Variants in ARHGAP24 observed in about 807,000 individuals in gnomAD.
ARHGAP24 encodes rho GTPase-activating protein 24.
Under a neutral mutation model 76.4 loss-of-function variants are expected in ARHGAP24, and 50 were observed. The observed-to-expected ratio is 0.65, with a 90% CI of 0.52 to 0.83. The LOEUF (loss-of-function observed/expected upper bound fraction) is 0.83. ARHGAP24 is among the 40% of genes least tolerant of loss of function. ARHGAP24 has a pLI of 0.00. For synonymous variants in ARHGAP24, 345 were observed against 323.3 expected, an observed-to-expected ratio of 1.07 and a Z score of -0.72; for missense variants, 930 against 914.2, an observed-to-expected ratio of 1.02 and a Z score of -0.22.
chr4:85,493,571 C>T (rs1392127937), intron 1 of ARHGAP24, among the ~76,000 whole-genome samples: 1 of 152,054 alleles, frequency 6.6e-6, no homozygotes, highest in Non-Finnish European at 1.5e-5. Context: ...CCATTGGAAG[C>T]CCTTTAAGTT....
intron 2 of ARHGAP24, among the ~76,000 whole-genome samples, chr4:85,683,117 T>TGGGGGGGGGGGGGGGGGGGGGGG (rs201448168): frequency 7.0e-5 from 4 of 56,932 alleles, no homozygotes; most frequent in Non-Finnish European, 1.1e-4. Context: ...TGTGGGGGGG[T>TGGGGGGGGGGGGGGGGGGGGGGG]GGGGGGGGGG....
At chr4:85,502,103 C>T (rs1333464195) in intron 1 of ARHGAP24, among the ~76,000 whole-genome samples, 2 of 152,144 alleles carry the variant, frequency 1.3e-5, no homozygotes, top group Admixed American at 1.3e-4. Flanking sequence ...GGTACCAATA[C>T]CATGCTATTT....
chr4:85,754,923 C>T (rs1159333977), intron 3 of ARHGAP24, among the ~76,000 whole-genome samples: 3 of 152,142 alleles, frequency 2.0e-5, no homozygotes, highest in African/African-American at 4.8e-5. Flanking sequence ...TGTCTACCTC[C>T]CCGGGTTGTT....
intron 1 of ARHGAP24, among the ~76,000 whole-genome samples, chr4:85,564,642 T>C (rs1726754369): frequency 6.6e-6 from 1 of 151,416 alleles, no homozygotes; most frequent in Non-Finnish European, 1.5e-5. Context: ...GGGGAGATGG[T>C]TTGGGGATGA....
chr4:85,930,972 C>T lies in ARHGAP24; in HGVS notation c.391+7202C>T, dbSNP rs1736299370. ...ATTCTGGGGGGTGCCCGGCTGGTGC[C>T]TTAGCCTCAACTCCTTTCATCCCTA... On this transcript the variant is annotated intron_variant, in intron 4 of 9. Transcript: ENST00000395184. 5 of 1,613,514 alleles carry T rather than the reference C, an allele frequency of 3.1e-6. No homozygotes were observed. In the African/African-American group the frequency reaches 5.3e-5, roughly 17 times the overall value.
At chr4:85,888,173 C>T (rs2148775583) in intron 3 of ARHGAP24, among the ~76,000 whole-genome samples, 1 of 152,164 alleles carries the variant, frequency 6.6e-6, no homozygotes. Context: ...GAGGCCAAGG[C>T]AGGTGGATCA....
At chr4:85,977,327 A>AGAG (rs1491444201) in intron 7 of ARHGAP24, among the ~76,000 whole-genome samples, 1 of 152,180 alleles carries the variant, frequency 6.6e-6, no homozygotes, top group African/African-American at 2.4e-5. Context: ...TTTGATTGAC[A>AGAG]GAGGAAATCA....
intron 1 of ARHGAP24, among the ~76,000 whole-genome samples, chr4:85,482,468 T>C (rs1368947252): frequency 2.0e-5 from 3 of 152,004 alleles, no homozygotes; most frequent in Non-Finnish European, 4.4e-5. Context: ...GTAGAAGCCA[T>C]GGGAACTGCC....
chr4:85,743,737 G>A (rs1469556427), intron 3 of ARHGAP24, among the ~76,000 whole-genome samples: 3 of 152,018 alleles, frequency 2.0e-5, no homozygotes, highest in Non-Finnish European at 4.4e-5. Flanking sequence ...GCACAAGAGT[G>A]CAACGACTCT....
At chr4:85,916,718 A>G (rs1213117550) in intron 3 of ARHGAP24, among the ~76,000 whole-genome samples, 1 of 152,162 alleles carries the variant, frequency 6.6e-6, no homozygotes, top group African/African-American at 2.4e-5. Context: ...CTGAGTATTC[A>G]CTGAAATGTC....
intron 2 of ARHGAP24, among the ~76,000 whole-genome samples, chr4:85,649,783 A>G (rs1028191553): frequency 6.6e-6 from 1 of 152,162 alleles, no homozygotes; most frequent in Admixed American, 6.6e-5. Flanking sequence ...TGTGGACTAT[A>G]TCCTGGCACT....
intron 2 of ARHGAP24, among the ~76,000 whole-genome samples, chr4:85,643,236 T>G (rs201972323): frequency 0.2 from 310 of 1,560 alleles, 25 homozygotes; most frequent in African/African-American, 0.39. Context: ...TTTTTTGTGT[T>G]TTTTTTTTTT....
intron 3 of ARHGAP24, among the ~76,000 whole-genome samples, chr4:85,827,319 G>T (rs1289014604): frequency 2.6e-5 from 4 of 152,044 alleles, no homozygotes; most frequent in Non-Finnish European, 5.9e-5. Flanking sequence ...TTTGCTCTTA[G>T]AATTAATTTG....
intron 3 of ARHGAP24, among the ~76,000 whole-genome samples, chr4:85,811,226 A>G (rs757438457): frequency 6.6e-6 from 1 of 152,210 alleles, no homozygotes; most frequent in Non-Finnish European, 1.5e-5. Context: ...GATGTGACTA[A>G]TGTGAGTCTA....
At chr4:85,839,575 C>G (rs373754487) in intron 3 of ARHGAP24, among the ~76,000 whole-genome samples, 18 of 148,482 alleles carry the variant, frequency 1.2e-4, no homozygotes, top group Non-Finnish European at 9.0e-5. Context: ...CTCAGCCTCC[C>G]GAGTAGCTGG....
At chr4:85,660,894 G>A (rs1274161544) in intron 2 of ARHGAP24, among the ~76,000 whole-genome samples, 3 of 150,338 alleles carry the variant, frequency 2.0e-5, no homozygotes, top group Non-Finnish European at 3.0e-5. Flanking sequence ...ATTTGTAGCC[G>A]ATTTGGTATT....
At chr4:85,511,284 G>A (rs766890419) in intron 1 of ARHGAP24, among the ~76,000 whole-genome samples, 32 of 152,014 alleles carry the variant, frequency 2.1e-4, no homozygotes, top group Non-Finnish European at 4.6e-4. Context: ...TCTTCTATGT[G>A]TAATTAAATG....
intron 3 of ARHGAP24, among the ~76,000 whole-genome samples, chr4:85,863,734 G>A (rs1338746149): frequency 6.6e-6 from 1 of 152,120 alleles, no homozygotes; most frequent in Non-Finnish European, 1.5e-5. Flanking sequence ...CTGAATGTGT[G>A]CAGTGAGCTT....
intron 3 of ARHGAP24, among the ~76,000 whole-genome samples, chr4:85,818,715 T>C (rs1729347097): frequency 2.0e-5 from 3 of 152,200 alleles, no homozygotes; most frequent in Admixed American, 6.5e-5. Context: ...TTTTAGATAA[T>C]ATATATTTTC....
Sources: gnomAD v4.1 joint callset for allele counts (sites outside exome capture counted in the v4.1 genomes callset) on GRCh38, gnomAD v4.1.1 for gene constraint, MANE v1.5 for transcripts, NCBI Gene and HGNC (gene_info 2026-07-23, HGNC 2026-07-21) for gene names.